BCORL1: variants seen among roughly 807,000 people sequenced by gnomAD.
BCORL1 encodes the protein BCL6 corepressor like 1.
A neutral mutation model predicts 87.6 loss-of-function variants in BCORL1; 7 were observed. The ratio of observed to expected loss-of-function variants is 0.08; its 90% CI spans 0.05 to 0.15. The LOEUF (loss-of-function observed/expected upper bound fraction) is 0.15. BCORL1 is among the 10% of genes least tolerant of loss of function. The probability of loss-of-function intolerance (pLI) is 1.00; values close to 1 mark genes in which losing one functional copy is unlikely to be tolerated. For synonymous variants in BCORL1, 591 were observed against 634.4 expected, an observed-to-expected ratio of 0.93 and a Z score of 1.03; for missense variants, 1,215 against 1,499.7, an observed-to-expected ratio of 0.81 and a Z score of 3.13.
intron 1 of BCORL1, among the ~76,000 whole-genome samples, chrX:129,990,363 C>T (rs960347463): frequency 3.6e-5 from 4 of 110,457 alleles, no homozygotes; most frequent in Non-Finnish European, 7.6e-5. Flanking sequence ...TCCTGAGTAG[C>T]TGGGACTACA....
In BCORL1 at chrX:130,014,481, C is replaced by A. The variant is rs758053837; in HGVS notation, c.1709C>A (p.Ala570Asp). ...VLPTPQPLLP[A>D]PSGSSAPPHP... The stretch of plus-strand genomic sequence containing the variant: ...CCAACTCCACAGCCTCTGCTGCCAG[C>A]CCCCAGTGGGAGCTCAGCCCCACCG... The change falls in exon 4 of 14, where the codon GCC (alanine) becomes GAC (aspartate). Residue 570 changes from alanine (A) to aspartate (D), a missense_variant. By Grantham distance (126) the Ala-to-Asp change is moderately radical. Coordinates refer to ENST00000540052, the MANE Select transcript of BCORL1 (RefSeq NM_001379451.1). The A allele has an allele frequency of 1.7e-6, 2 of 1,209,431 alleles. No homozygotes were observed. Among genetic ancestry groups the A allele is most frequent in the South Asian group, 3.5e-5 (2 of 56,777 alleles).
intron 1 of BCORL1, among the ~76,000 whole-genome samples, 165 bp downstream of exon 1, chrX:129,982,927 C>T (rs1157648161): frequency 9.1e-6 from 1 of 109,654 alleles, no homozygotes; most frequent in Non-Finnish European, 1.9e-5. Flanking sequence ...TCCCTCCACC[C>T]CTTTTGACTC....
At chrX:129,983,884 G>T (rs1926352585) in intron 1 of BCORL1, among the ~76,000 whole-genome samples, 1 of 110,250 alleles carries the variant, frequency 9.1e-6, no homozygotes, top group Non-Finnish European at 1.9e-5. Context: ...TGGAAGGAGG[G>T]AGGCTCCGGT....
rs1197073687 is a variant in BCORL1 at position 129,982,737 on chromosome X, C to G, written c.-70C>G. ...CTCAGTTCCTAGAGTCCGACCGCCG[C>G]CGCCGCCGAGAGAGAGGAGAAGGAG... On this transcript the variant is annotated 5_prime_UTR_variant, in exon 1 of 14. Coordinates refer to ENST00000540052, the MANE Select transcript of BCORL1 (RefSeq NM_001379451.1). The G allele has an allele frequency of 9.0e-6, 1 of 111,108 alleles. No homozygotes were observed. Among genetic ancestry groups the G allele is most frequent in the African/African-American group, 3.3e-5 (1 of 30,387 alleles). The allele number at this position is 111,108 out of a possible 1,213,427, so 9.2% of individuals were successfully genotyped here. A position where few individuals can be genotyped will look rare whatever the true frequency, so the allele number is the denominator to read the frequency against.
At chrX:130,020,038 G>A (rs770302453) in intron 4 of BCORL1, among the ~76,000 whole-genome samples, 2 of 112,313 alleles carry the variant, frequency 1.8e-5, no homozygotes, top group African/African-American at 3.2e-5. Flanking sequence ...TGAAGCAGCC[G>A]AGGAAGTGAT....
chrX:130,015,868 C>G lies in BCORL1; in HGVS notation c.3096C>G (p.Gly1032=). The G allele has an allele frequency of 3.3e-6, 4 of 1,211,812 alleles. No homozygotes were observed. The highest frequency in any genetic ancestry group is 4.5e-6 in the Non-Finnish European group (4 of 895,585). ...ILDVVPSSRR[G]SSTERPQLGS... ...ACGTGGTTCCGAGCAGCAGGAGGGG[C>G]TCCAGCACAGAGCGCCCACAGCTTG... Residue 1032 remains glycine (G), a synonymous_variant, in exon 4 of 14, where the codon GGC becomes GGG. Coordinates refer to ENST00000540052, the MANE Select transcript of BCORL1 (RefSeq NM_001379451.1).
In BCORL1 at chrX:130,025,279, G is replaced by A; in HGVS notation, c.3978G>A (p.Leu1326=). The A allele has an allele frequency of 8.3e-7, 1 of 1,208,660 alleles. No individual in the cohort carries two copies. Among genetic ancestry groups the A allele is most frequent in the East Asian group, 3.0e-5 (1 of 33,829 alleles). ...AGGAGGAAGAAGAGGAGGAGGGCCT[G>A]CTGAAGAGGAAGAAACGAAGACGGC... The part of the protein sequence containing the change: ...EEEEEEEEEG[L]LKRKKRRRQK... Residue 1326 remains leucine, a synonymous_variant, in exon 7 of 14, where the codon CTG becomes CTA. Coordinates refer to ENST00000540052, the MANE Select transcript of BCORL1 (RefSeq NM_001379451.1).
chrX:130,046,589 C>T (rs775386189), intron 11 of BCORL1, among the ~76,000 whole-genome samples: 1 of 109,754 alleles, frequency 9.1e-6, no homozygotes, highest in East Asian at 2.9e-4. Context: ...CTCTGTCACC[C>T]AGGCTGGACT....
intron 1 of BCORL1, among the ~76,000 whole-genome samples, chrX:129,988,192 A>T: frequency 8.9e-6 from 1 of 111,882 alleles, no homozygotes; most frequent in South Asian, 3.7e-4. Context: ...ACTAGGCTTT[A>T]TTAATGCCCA....
rs751099230 is a variant in BCORL1 at position 130,046,611 on chromosome X, A to G, written c.4841-4106A>G. Among the ~76,000 whole-genome samples the G allele has an allele frequency of 2.7e-5, 3 of 109,572 alleles. No individual in the cohort carries two copies. In the South Asian group the frequency reaches 1.2e-3, roughly 43 times the overall value. On this transcript the variant is annotated intron_variant, in intron 11 of 13. Transcript: ENST00000540052. The stretch of plus-strand genomic sequence containing the variant: ...ACCCAGGCTGGACTGCAGTGGCGCG[A>G]TCTGGGCTCACTGCAGCCTCCACCT...
At chrX:130,050,638 C>A (rs182243890) in intron 11 of BCORL1, 79 bp from the exon 12 acceptor site, 2 of 847,079 alleles carry the variant, frequency 2.4e-6, no homozygotes, top group Non-Finnish European at 3.5e-6. Flanking sequence ...TTCCCTTAGC[C>A]CCGTATGCAT....
intron 8 of BCORL1, among the ~76,000 whole-genome samples, chrX:130,034,116 T>C (rs1380223175): frequency 8.9e-6 from 1 of 112,166 alleles, no homozygotes; most frequent in African/African-American, 3.2e-5. Flanking sequence ...TGCAGAGTCT[T>C]GAGAGAAGCT....
intron 1 of BCORL1, among the ~76,000 whole-genome samples, chrX:129,993,899 C>T (rs994307390): frequency 1.4e-4 from 15 of 105,407 alleles, no homozygotes; most frequent in African/African-American, 4.4e-4. Context: ...ATTCTGCTGC[C>T]TCAGCCTCCC....
chrX:130,019,940 T>C (rs1929680467), intron 4 of BCORL1, among the ~76,000 whole-genome samples: 1 of 112,631 alleles, frequency 8.9e-6, no homozygotes, highest in African/African-American at 3.2e-5. Context: ...AATACGTGAC[T>C]GTTAGGCTGA....
chrX:130,043,785 T>TATATATATATATATATATA (rs59484337), intron 11 of BCORL1, among the ~76,000 whole-genome samples: 2 of 10,439 alleles, frequency 1.9e-4, no homozygotes, highest in Non-Finnish European at 2.7e-4. Context: ...TATATATATA[T>TATATATATATATATATATA]TTTTTTTTTT....
At chrX:130,041,984 G>T (rs1333464789) in intron 11 of BCORL1, among the ~76,000 whole-genome samples, 1 of 111,862 alleles carries the variant, frequency 8.9e-6, no homozygotes, top group Non-Finnish European at 1.9e-5. Flanking sequence ...GTGTGTGTAT[G>T]TACGTATATG....
chrX:130,043,992 C>T (rs1176960258), intron 11 of BCORL1, among the ~76,000 whole-genome samples: 1 of 104,145 alleles, frequency 9.6e-6, no homozygotes, highest in Non-Finnish European at 2.0e-5. Flanking sequence ...AGGATGGTCT[C>T]GATCTCCTGG....
chrX:130,046,767 T>C (rs967343324), intron 11 of BCORL1, among the ~76,000 whole-genome samples: 26 of 110,639 alleles, frequency 2.3e-4, no homozygotes, highest in Non-Finnish European at 1.9e-5. Context: ...AGGATGGTCT[T>C]GATCTCCTGA....
rs963595347 is a variant in BCORL1, at chrX:130,056,450, T to G, written c.*314T>G. On this transcript the variant is annotated 3_prime_UTR_variant, in exon 14 of 14. Transcript: ENST00000540052. ...GGGGTCCCTTGGACTGGCCTCCTTG[T>G]TCATGACCAAGACCAAACCTGGGCC... is the stretch of plus-strand genomic sequence containing the variant. 4.5e-6 allele frequency: 1 copy of G among 223,330 alleles called. No individual in the cohort carries two copies. The highest frequency in any genetic ancestry group is 8.1e-6 in the Non-Finnish European group (1 of 123,634). The allele number at this position is 223,330 out of a possible 1,213,427, so 18.4% of individuals were successfully genotyped here.
Sources: gnomAD v4.1 joint callset for allele counts (sites outside exome capture counted in the v4.1 genomes callset) on GRCh38, gnomAD v4.1.1 for gene constraint, MANE v1.5 for transcripts, NCBI Gene and HGNC (gene_info 2026-07-23, HGNC 2026-07-21) for gene names.